Variants in MYLK observed in about 807,000 individuals in gnomAD.
MYLK encodes the protein myosin light chain kinase, smooth muscle.
In MYLK, 106 loss-of-function variants were observed where a neutral mutation model predicts 203.4. The observed-to-expected ratio is 0.52, with a 90% CI of 0.45 to 0.61. The LOEUF (loss-of-function observed/expected upper bound fraction) is 0.61. Ranked by LOEUF, MYLK falls within the 20% of genes least tolerant of loss-of-function variation. The pLI, the probability that MYLK is intolerant of heterozygous loss-of-function variation, is 0.00. For missense variants in MYLK, 2,072 were observed against 2,442.3 expected (o/e 0.85, Z 3.20); for synonymous variants, 867 against 959.5 (o/e 0.90, Z 1.78).
chr3:123,627,655 C>A (rs2058213287), intron 30 of MYLK, among the ~76,000 whole-genome samples: 1 of 152,068 alleles, frequency 6.6e-6, no homozygotes, highest in South Asian at 2.1e-4. Flanking sequence ...ATGTAGTGAA[C>A]TTTAGATAAA....
At chr3:123,762,406 T>A (rs909979597) in intron 4 of MYLK, among the ~76,000 whole-genome samples, 1 of 151,952 alleles carries the variant, frequency 6.6e-6, no homozygotes, top group Non-Finnish European at 1.5e-5. Context: ...ATTTTTCATA[T>A]TTTTGGTAAA....
intron 3 of MYLK, among the ~76,000 whole-genome samples, chr3:123,820,892 CT>C (rs892202630): frequency 1.3e-5 from 2 of 151,934 alleles, no homozygotes; most frequent in East Asian, 1.9e-4. Context: ...CCTGGCTATT[CT>C]TTTTTTTGTA....
At chr3:123,778,726 G>A (rs1219973928) in intron 4 of MYLK, among the ~76,000 whole-genome samples, 2 of 152,170 alleles carry the variant, frequency 1.3e-5, no homozygotes, top group Non-Finnish European at 2.9e-5. Flanking sequence ...CTGCAGGTGT[G>A]ACCTTTGTTT....
At chr3:123,738,776 G>A in intron 7 of MYLK, 121 bp downstream of exon 7, 1 of 1,331,956 alleles carries the variant, frequency 7.5e-7, no homozygotes, top group Non-Finnish European at 1.0e-6. Flanking sequence ...CAGCCATGTG[G>A]AACGGTGAGT....
At chr3:123,740,975 G>A (rs1344772902) in intron 5 of MYLK, among the ~76,000 whole-genome samples, 2 of 152,200 alleles carry the variant, frequency 1.3e-5, no homozygotes, top group African/African-American at 4.8e-5. Context: ...CTAAAGTAGT[G>A]GGAGTTTTAT....
intron 18 of MYLK, among the ~76,000 whole-genome samples, chr3:123,698,527 G>A (rs1411061400): frequency 6.6e-6 from 1 of 152,158 alleles, no homozygotes; most frequent in Non-Finnish European, 1.5e-5. Flanking sequence ...ACAGGTTGTG[G>A]CGTCTGCTCC....
intron 31 of MYLK, chr3:123,624,484 G>C (rs1262683913): frequency 6.6e-6 from 1 of 152,074 alleles, no homozygotes; most frequent in African/African-American, 2.4e-5. Context: ...ATGTTCCCAG[G>C]TGATAAGGCT....
intron 4 of MYLK, among the ~76,000 whole-genome samples, chr3:123,765,366 A>G (rs755099740): frequency 6.6e-6 from 1 of 152,086 alleles, no homozygotes; most frequent in Non-Finnish European, 1.5e-5. Context: ...CCCCGTCTCT[A>G]CTAAAAATTC....
At chr3:123,627,367 G>GA (rs1277233974) in intron 30 of MYLK, among the ~76,000 whole-genome samples, 1 of 152,166 alleles carries the variant, frequency 6.6e-6, no homozygotes, top group African/African-American at 2.4e-5. Context: ...TAAATCCTAG[G>GA]ATAAAATCTC....
intron 23 of MYLK, among the ~76,000 whole-genome samples, chr3:123,660,635 G>A (rs551970352): frequency 6.6e-6 from 1 of 152,256 alleles, no homozygotes; most frequent in South Asian, 2.1e-4. Context: ...TTTTATTATT[G>A]TTTGAAAAAT....
At chr3:123,638,473 G>A (rs1435083375) in intron 28 of MYLK, among the ~76,000 whole-genome samples, 1 of 152,160 alleles carries the variant, frequency 6.6e-6, no homozygotes, top group Non-Finnish European at 1.5e-5. Flanking sequence ...GTCTTTTTGT[G>A]AGTCTGTCTC....
intron 32 of MYLK, 93 bp downstream of exon 32, chr3:123,620,114 A>T (rs1472057852): frequency 3.4e-6 from 4 of 1,168,940 alleles, no homozygotes; most frequent in Non-Finnish European, 5.0e-6. Context: ...TAAAATAAAA[A>T]AAAAAAGAAC....
chr3:123,696,278 G>C (rs1260301221), intron 18 of MYLK, among the ~76,000 whole-genome samples: 1 of 152,166 alleles, frequency 6.6e-6, no homozygotes, highest in Non-Finnish European at 1.5e-5. Flanking sequence ...GGAGGGGACA[G>C]TGCAAGAGTC....
intron 4 of MYLK, among the ~76,000 whole-genome samples, chr3:123,762,067 A>G (rs2063553470): frequency 6.6e-6 from 1 of 152,076 alleles, no homozygotes; most frequent in African/African-American, 2.4e-5. Context: ...AAACACCCGT[A>G]CCTGGTTAAA....
intron 30 of MYLK, among the ~76,000 whole-genome samples, chr3:123,628,436 C>T (rs768587946): frequency 5.3e-5 from 8 of 152,194 alleles, no homozygotes; most frequent in Middle Eastern, 3.2e-3. Flanking sequence ...CTCTCTAGCA[C>T]GCCACCCATG....
intron 4 of MYLK, among the ~76,000 whole-genome samples, chr3:123,784,264 C>T (rs758929973): frequency 1.3e-5 from 2 of 151,816 alleles, no homozygotes; most frequent in Admixed American, 6.6e-5. Flanking sequence ...CACTTATACA[C>T]GAATCATATA....
intron 16 of MYLK, among the ~76,000 whole-genome samples, chr3:123,707,470 C>T (rs2061504504): frequency 6.6e-6 from 1 of 152,238 alleles, no homozygotes; most frequent in Non-Finnish European, 1.5e-5. Context: ...TGATCCATTC[C>T]TCCTTCCTTC....
At chr3:123,842,573 C>T (rs1350520605) in intron 2 of MYLK, among the ~76,000 whole-genome samples, 1 of 142,356 alleles carries the variant, frequency 7.0e-6, no homozygotes, top group Non-Finnish European at 1.5e-5. Context: ...AAAAATTAAA[C>T]TGCAAAAGGC....
At chr3:123,681,567 A>G (rs1227500157) in intron 20 of MYLK, 2 of 153,334 alleles carry the variant, frequency 1.3e-5, no homozygotes, top group East Asian at 3.8e-4. Context: ...TTTGGCAGAA[A>G]GGTGTCCCAT....
Sources: gnomAD v4.1 joint callset for allele counts (sites outside exome capture counted in the v4.1 genomes callset) on GRCh38, gnomAD v4.1.1 for gene constraint, MANE v1.5 for transcripts, NCBI Gene and HGNC (gene_info 2026-07-23, HGNC 2026-07-21) for gene names.